S100Z: variants seen among roughly 807,000 people sequenced by gnomAD.
S100Z encodes the protein S100 calcium binding protein Z.
In S100Z, 11 loss-of-function variants were observed where a neutral mutation model predicts 8.5. The observed-to-expected ratio is 1.30, with a 90% CI of 0.82 to 2.15. The LOEUF (loss-of-function observed/expected upper bound fraction) is 2.15. Ranked by LOEUF, S100Z falls within the 30% of genes most tolerant of loss-of-function variation. The probability of loss-of-function intolerance (pLI) is 0.00; values close to 1 mark genes in which losing one functional copy is unlikely to be tolerated. For missense variants in S100Z, 126 were observed against 117.9 expected (o/e 1.07, Z -0.32); for synonymous variants, 34 against 43.8 (o/e 0.78, Z 0.89).
chr5:76,937,145 A>G, the S100Z span, among the ~76,000 whole-genome samples: 2 of 152,166 alleles, frequency 1.3e-5, no homozygotes, highest in African/African-American at 2.4e-5. Context: ...GATATTGGAA[A>G]TGGCTTCTTC....
At chr5:76,936,654 CACAA>C in the S100Z span, among the ~76,000 whole-genome samples, 1 of 144,226 alleles carries the variant, frequency 6.9e-6, no homozygotes, top group African/African-American at 2.5e-5. Flanking sequence ...CACACACACA[CACAA>C]CCATGAAGGA....
At chr5:76,938,777 GT>G in the S100Z span, among the ~76,000 whole-genome samples, 23 of 152,158 alleles carry the variant, frequency 1.5e-4, no homozygotes, top group South Asian at 1.5e-3. Flanking sequence ...TAGAGATCAT[GT>G]TTTTTTCCCA....
chr5:76,890,208 G>A (rs1053180141), intron 4 of S100Z, among the ~76,000 whole-genome samples: 1 of 152,104 alleles, frequency 6.6e-6, no homozygotes, highest in Non-Finnish European at 1.5e-5. Flanking sequence ...ATTTTTAGTA[G>A]AGATGGGGTT....
intron 1 of S100Z, among the ~76,000 whole-genome samples, chr5:76,860,281 T>C (rs571938054): frequency 2.6e-5 from 4 of 152,298 alleles, no homozygotes; most frequent in South Asian, 4.1e-4. Flanking sequence ...CCAGTATAGA[T>C]GCTACATCGA....
intron 4 of S100Z, among the ~76,000 whole-genome samples, chr5:76,881,859 T>C (rs1743411395): frequency 6.6e-6 from 1 of 152,210 alleles, no homozygotes. Context: ...GATGGCATCT[T>C]ATGCCTTTTG....
At chr5:76,898,999 G>A (rs1259260415) in intron 4 of S100Z, among the ~76,000 whole-genome samples, 1 of 135,508 alleles carries the variant, frequency 7.4e-6, no homozygotes, top group African/African-American at 2.8e-5. Context: ...GCAATGACAC[G>A]ACCTTGGCTC....
chr5:76,916,620 C>G (rs541733760), intron 4 of S100Z, among the ~76,000 whole-genome samples: 1 of 150,276 alleles, frequency 6.7e-6, no homozygotes, highest in South Asian at 2.1e-4. Flanking sequence ...AAACTAGAAA[C>G]CAATAACAGA....
At chr5:76,946,816 T>G in the S100Z span, among the ~76,000 whole-genome samples, 55 of 152,290 alleles carry the variant, frequency 3.6e-4, no homozygotes, top group East Asian at 0.01. Context: ...CCATTTCACA[T>G]GTAAGAAAAT....
intron 2 of S100Z, among the ~76,000 whole-genome samples, chr5:76,874,143 A>G (rs544149130): frequency 5.3e-5 from 8 of 150,318 alleles, no homozygotes; most frequent in Admixed American, 3.3e-4. Flanking sequence ...TCTTTTTTAC[A>G]CAGTTGGGAG....
intron 1 of S100Z, among the ~76,000 whole-genome samples, chr5:76,868,716 T>C (rs960213870): frequency 2.0e-5 from 3 of 149,690 alleles, no homozygotes; most frequent in African/African-American, 7.4e-5. Context: ...CTCTGTCTCC[T>C]GGGTTCAAGC....
intron 1 of S100Z, among the ~76,000 whole-genome samples, chr5:76,866,343 C>G (rs980231232): frequency 1.7e-4 from 26 of 152,068 alleles, no homozygotes; most frequent in African/African-American, 6.3e-4. Context: ...CCTCAGCCTC[C>G]CCAAGTGCTA....
At chr5:76,932,214 A>G in the S100Z span, among the ~76,000 whole-genome samples, 1 of 152,154 alleles carries the variant, frequency 6.6e-6, no homozygotes, top group Admixed American at 6.6e-5. Flanking sequence ...CAGGACTGAC[A>G]AGTTATTTTG....
At chr5:76,919,541 T>G (rs1427541819) in intron 4 of S100Z, among the ~76,000 whole-genome samples, 1 of 96,450 alleles carries the variant, frequency 1.0e-5, no homozygotes, top group Non-Finnish European at 2.0e-5. Flanking sequence ...CCTCCCTCCC[T>G]CCCTCCCTCC....
chr5:76,870,891 G>A (rs971347427), intron 2 of S100Z, among the ~76,000 whole-genome samples: 3 of 152,156 alleles, frequency 2.0e-5, no homozygotes, highest in Non-Finnish European at 4.4e-5. Flanking sequence ...GGAGGCTGGG[G>A]TGGGAGGATT....
At chr5:76,864,058 G>A (rs1751174402) in intron 1 of S100Z, among the ~76,000 whole-genome samples, 1 of 152,162 alleles carries the variant, frequency 6.6e-6, no homozygotes, top group Non-Finnish European at 1.5e-5. Context: ...TTTGTCAGCA[G>A]CATTAAAGAA....
At chr5:76,929,729 A>G in the S100Z span, among the ~76,000 whole-genome samples, 2 of 152,220 alleles carry the variant, frequency 1.3e-5, no homozygotes, top group East Asian at 1.9e-4. Context: ...AGGCTAAACT[A>G]TACATTGCAA....
At chr5:76,918,639 A>G (rs1291944941) in intron 4 of S100Z, among the ~76,000 whole-genome samples, 2 of 152,194 alleles carry the variant, frequency 1.3e-5, no homozygotes, top group Non-Finnish European at 1.5e-5. Context: ...CCCCATTATC[A>G]ACATCTCCCA....
intron 1 of S100Z, among the ~76,000 whole-genome samples, chr5:76,862,810 AAAC>A (rs1561223494): frequency 2.0e-5 from 3 of 151,980 alleles, no homozygotes; most frequent in South Asian, 4.2e-4. Context: ...CCCCATCGCG[AAAC>A]AACAACAACA....
chr5:76,917,361 T>C (rs1438466163), intron 4 of S100Z, among the ~76,000 whole-genome samples: 1 of 152,208 alleles, frequency 6.6e-6, no homozygotes, highest in African/African-American at 2.4e-5. Context: ...TCATAGATAG[T>C]CACAATAATT....
Sources: gnomAD v4.1 joint callset for allele counts (sites outside exome capture counted in the v4.1 genomes callset) on GRCh38, gnomAD v4.1.1 for gene constraint, MANE v1.5 for transcripts, NCBI Gene and HGNC (gene_info 2026-07-23, HGNC 2026-07-21) for gene names.